MDGA2: variants seen among roughly 807,000 people sequenced by gnomAD.
The protein encoded by MDGA2 is MAM domain-containing glycosylphosphatidylinositol anchor protein 2.
A neutral mutation model predicts 117.8 loss-of-function variants in MDGA2; 40 were observed. The observed-to-expected ratio is 0.34, with a 90% CI of 0.26 to 0.44. MDGA2 has a LOEUF of 0.44. MDGA2 is among the 20% of genes least tolerant of loss of function. MDGA2 has a pLI of 1.00. For missense variants in MDGA2, 1,123 were observed against 1,250.6 expected, an observed-to-expected ratio of 0.90 and a Z score of 1.54; for synonymous variants, 452 against 439.0, an observed-to-expected ratio of 1.03 and a Z score of -0.37.
intron 2 of MDGA2, among the ~76,000 whole-genome samples, chr14:47,245,402 A>G (rs1887204538): frequency 6.6e-6 from 1 of 151,866 alleles, no homozygotes; most frequent in Non-Finnish European, 1.5e-5. Flanking sequence ...CTTCTGGTCA[A>G]CAGTAAGCTA....
At chr14:47,026,639 T>A (rs983556398) in intron 8 of MDGA2, among the ~76,000 whole-genome samples, 3 of 152,102 alleles carry the variant, frequency 2.0e-5, no homozygotes, top group African/African-American at 7.2e-5. Context: ...GAGATGATCA[T>A]AGTATGTGTG....
At chr14:47,411,325 G>T (rs1186343905) in intron 1 of MDGA2, among the ~76,000 whole-genome samples, 1 of 151,996 alleles carries the variant, frequency 6.6e-6, no homozygotes, top group Non-Finnish European at 1.5e-5. Context: ...TTAAAAGAGG[G>T]AAAGAAAACT....
At chr14:47,409,165 A>G (rs1461483193) in intron 1 of MDGA2, among the ~76,000 whole-genome samples, 2 of 152,152 alleles carry the variant, frequency 1.3e-5, no homozygotes, top group African/African-American at 2.4e-5. Context: ...AGCAAATAAT[A>G]TATGATTTAA....
At chr14:47,378,820 C>T (rs1252135842) in intron 1 of MDGA2, among the ~76,000 whole-genome samples, 1 of 152,142 alleles carries the variant, frequency 6.6e-6, no homozygotes, top group Non-Finnish European at 1.5e-5. Flanking sequence ...AGAACTTCCC[C>T]AACCTAGCAA....
At chr14:47,595,547 C>CAAAAAAAAAAA (rs777715271) in intron 1 of MDGA2, among the ~76,000 whole-genome samples, 2 of 69,054 alleles carry the variant, frequency 2.9e-5, no homozygotes, top group Non-Finnish European at 5.1e-5. Context: ...AACCAAAAAA[C>CAAAAAAAAAAA]AAAAAAAAAC....
chr14:47,363,746 T>TGATTACC (rs1891174512), intron 1 of MDGA2, among the ~76,000 whole-genome samples: 1 of 147,572 alleles, frequency 6.8e-6, no homozygotes, highest in African/African-American at 2.5e-5. Flanking sequence ...AGAAAGCAAA[T>TGATTACC]AAGGAAGGGA....
intron 1 of MDGA2, among the ~76,000 whole-genome samples, chr14:47,312,253 T>C (rs754676120): frequency 7.2e-5 from 11 of 152,250 alleles, no homozygotes; most frequent in East Asian, 1.9e-4. Context: ...GATTCACATA[T>C]GTGGCAATGT....
At position 47,385,682 on chromosome 14, in the gene MDGA2, T is replaced by A. The variant is rs561598807; in HGVS notation, c.281-84132A>T. On this transcript the variant is annotated intron_variant, in intron 1 of 16. Transcript: ENST00000399232. ...CCCCAGCCATTAGCAATGCTGTCAC[T>A]GTTTCTTTCTAAATGTCAGGAGCAA... Among the ~76,000 whole-genome samples, 55 of 152,300 alleles carry A rather than the reference T, an allele frequency of 3.6e-4. 1 individual carries two copies. Among genetic ancestry groups the A allele is most frequent in the African/African-American group, 1.3e-3 (54 of 41,582 alleles).
intron 10 of MDGA2, among the ~76,000 whole-genome samples, chr14:46,896,198 T>A (rs1883069075): frequency 6.6e-6 from 1 of 152,168 alleles, no homozygotes; most frequent in African/African-American, 2.4e-5. Context: ...GTAGAGAATG[T>A]TGATATATAA....
At chr14:47,126,980 G>T (rs1190753642) in intron 5 of MDGA2, among the ~76,000 whole-genome samples, 2 of 152,062 alleles carry the variant, frequency 1.3e-5, no homozygotes, top group African/African-American at 4.8e-5. Context: ...TGTTCCAGTG[G>T]CATTTTGTCT....
intron 6 of MDGA2, among the ~76,000 whole-genome samples, chr14:47,068,174 A>G (rs1468955293): frequency 1.3e-5 from 2 of 152,040 alleles, no homozygotes; most frequent in African/African-American, 4.8e-5. Flanking sequence ...GAATTGTTTA[A>G]GCATAGTATG....
At chr14:47,177,587 G>A (rs1044918547) in intron 3 of MDGA2, among the ~76,000 whole-genome samples, 1 of 152,094 alleles carries the variant, frequency 6.6e-6, no homozygotes, top group African/African-American at 2.4e-5. Flanking sequence ...ACTCATAGGT[G>A]GGAATTGAAC....
intron 1 of MDGA2, among the ~76,000 whole-genome samples, chr14:47,623,956 T>C (rs1897096103): frequency 6.6e-6 from 1 of 152,232 alleles, no homozygotes; most frequent in African/African-American, 2.4e-5. Flanking sequence ...CGACTTCTTC[T>C]GGTAATCTCA....
At chr14:47,339,068 C>T (rs934894369) in intron 1 of MDGA2, among the ~76,000 whole-genome samples, 19 of 152,030 alleles carry the variant, frequency 1.2e-4, no homozygotes, top group African/African-American at 3.9e-4. Flanking sequence ...AAATTAATCA[C>T]TAATAATAAA....
intron 9 of MDGA2, among the ~76,000 whole-genome samples, chr14:46,920,599 C>T (rs183901105): frequency 1.3e-5 from 2 of 152,112 alleles, no homozygotes; most frequent in Non-Finnish European, 2.9e-5. Context: ...AAATTTAAAG[C>T]CAAGAGACGG....
At chr14:47,502,863 G>T (rs1224991326) in intron 1 of MDGA2, among the ~76,000 whole-genome samples, 1 of 151,962 alleles carries the variant, frequency 6.6e-6, no homozygotes, top group Non-Finnish European at 1.5e-5. Flanking sequence ...TTATTATTTT[G>T]TAGAGAAGGG....
chr14:47,210,577 G>A (rs1020435618), intron 3 of MDGA2, among the ~76,000 whole-genome samples: 1 of 151,758 alleles, frequency 6.6e-6, no homozygotes, highest in African/African-American at 2.4e-5. Flanking sequence ...CTATGAAACC[G>A]TTTTTTTTCC....
At position 47,243,258 on chromosome 14, in the gene MDGA2, C is replaced by T. The variant is rs534780500; in HGVS notation, c.421-25063G>A. Among the ~76,000 whole-genome samples, 5 of 151,344 alleles carry T rather than the reference C, an allele frequency of 3.3e-5. No individual in the cohort carries two copies. The East Asian group carries it at 9.7e-4, about 29-fold the overall frequency. Reference sequence around the variant, plus strand: ...ACTAATCTGGTGGGGATGTGGAGAACCTTTGTATCTAGCTCAGGGATTGTA... The same window carrying T: ...ACTAATCTGGTGGGGATGTGGAGAATCTTTGTATCTAGCTCAGGGATTGTA... On this transcript the variant is annotated intron_variant, in intron 2 of 16. Transcript: ENST00000399232.
intron 6 of MDGA2, among the ~76,000 whole-genome samples, chr14:47,082,604 A>G (rs1284659791): frequency 6.6e-6 from 1 of 152,098 alleles, no homozygotes; most frequent in African/African-American, 2.4e-5. Context: ...ATAAAGTAAT[A>G]TAAAAAAGAA....
Sources: gnomAD v4.1 joint callset for allele counts (sites outside exome capture counted in the v4.1 genomes callset) on GRCh38, gnomAD v4.1.1 for gene constraint, MANE v1.5 for transcripts, NCBI Gene and HGNC (gene_info 2026-07-23, HGNC 2026-07-21) for gene names.